FBXW12: variants seen among roughly 807,000 people sequenced by gnomAD.
FBXW12 encodes the protein F-box and WD repeat domain containing 12, also known as F-box/WD repeat-containing protein 12.
FBXW12 carries 43 observed loss-of-function variants against 55.3 expected under a neutral mutation model. That is an observed-to-expected ratio of 0.78 (90% CI 0.61 to 1.00). The LOEUF is 1.00. Ranked by LOEUF, FBXW12 falls within the 50% of genes least tolerant of loss-of-function variation. The pLI is 0.00. For missense variants in FBXW12, 524 were observed against 560.5 expected, an observed-to-expected ratio of 0.93 and a Z score of 0.66; for synonymous variants, 184 against 203.8, an observed-to-expected ratio of 0.90 and a Z score of 0.83.
rs1224424308 is a variant in FBXW12 at position 48,378,419 on chromosome 3, A to G, written c.508A>G (p.Ile170Val). The part of the protein sequence containing the change: ...LAITMDRKKT[I>V]KVWNCQDRDA... ...CATCACTATGGATCGGAAAAAAACT[A>G]TCAAAGTGTGGAACTGTCAGGACAG... The change falls in exon 6 of 11, where the codon ATC (isoleucine) becomes GTC (valine). Residue 170 changes from isoleucine to valine, a missense_variant. Transcript: ENST00000296438. The G allele has an allele frequency of 2.5e-6, 4 of 1,613,908 alleles. No individual in the cohort carries two copies. Among genetic ancestry groups the G allele is most frequent in the Non-Finnish European group, 2.5e-6 (3 of 1,180,014 alleles).
intron 10 of FBXW12, among the ~76,000 whole-genome samples, chr3:48,391,600 C>T (rs1349962267): frequency 6.6e-6 from 1 of 152,078 alleles, no homozygotes; most frequent in Admixed American, 6.6e-5. Context: ...AGTTTTTACC[C>T]ATTCATTATG....
In FBXW12 at chr3:48,373,574, G is replaced by C. The variant is rs1352961376; in HGVS notation, c.155G>C (p.Cys52Ser). The C allele has an allele frequency of 1.2e-6, 2 of 1,614,126 alleles. No individual in the cohort carries two copies. The highest frequency in any genetic ancestry group is 3.3e-5 in the Admixed American group (2 of 60,012). ...WRSLSLQRWD[C>S]SNFTNQHLGT... ...TCACTATCTCTGCAGAGATGGGACT[G>C]CAGCAACTTCACCAATCAACACCTG... The change falls in exon 4 of 11, where the codon TGC (cysteine) becomes TCC (serine). Residue 52 changes from cysteine to serine, a missense_variant. Cys to Ser is a moderately radical substitution (Grantham distance 112). Coordinates refer to ENST00000296438, the MANE Select transcript of FBXW12 (RefSeq NM_207102.2).
chr3:48,378,630 T>TC (rs2107158354), intron 6 of FBXW12, 104 bp downstream of exon 6: 1 of 735,978 alleles, frequency 1.4e-6, no homozygotes, highest in Non-Finnish European at 2.1e-6. Flanking sequence ...TTTTTTTTTT[T>TC]TGGAGACAGA....
intron 10 of FBXW12, among the ~76,000 whole-genome samples, chr3:48,389,317 A>G (rs1198114051): frequency 6.6e-6 from 1 of 152,108 alleles, no homozygotes; most frequent in Non-Finnish European, 1.5e-5. Context: ...AATATTTTCT[A>G]CCATTCTATA....
At chr3:48,386,033 T>C (rs1388316705) in intron 10 of FBXW12, among the ~76,000 whole-genome samples, 1 of 152,234 alleles carries the variant, frequency 6.6e-6, no homozygotes, top group Non-Finnish European at 1.5e-5. Context: ...TTACCTATTT[T>C]TGCTTTTGTT....
At chr3:48,373,480 T>TA in intron 3 of FBXW12, 68 bp from the exon 4 acceptor site, 1 of 1,603,386 alleles carries the variant, frequency 6.2e-7, no homozygotes, top group Non-Finnish European at 8.5e-7. Context: ...GGGGTTGTGA[T>TA]ATAACCGGGG....
intron 5 of FBXW12, 110 bp from the exon 6 acceptor site, chr3:48,378,207 A>G: frequency 1.2e-6 from 1 of 822,954 alleles, no homozygotes; most frequent in Non-Finnish European, 2.0e-6. Flanking sequence ...CTCTGCCCAG[A>G]AGCAAGAAGA....
chr3:48,386,489 T>C (rs34761139), intron 10 of FBXW12, among the ~76,000 whole-genome samples: 91,274 of 152,050 alleles, frequency 0.6, 27,496 homozygotes, highest in South Asian at 0.68. Flanking sequence ...TGTGGTTCCA[T>C]AGTCATTTTA....
At chr3:48,373,036 G>T (rs1575357059) in intron 2 of FBXW12, among the ~76,000 whole-genome samples, 179 bp downstream of exon 2, 2 of 152,164 alleles carry the variant, frequency 1.3e-5, no homozygotes, top group East Asian at 3.9e-4. Context: ...GAGTTGTGCT[G>T]ACTAAACAGT....
chr3:48,372,660 G>A, intron 1 of FBXW12, 24 bp from the exon 2 acceptor site: 1 of 1,599,170 alleles, frequency 6.3e-7, no homozygotes, highest in Non-Finnish European at 8.5e-7. Context: ...CACACAGATG[G>A]GCATGGGTGA....
intron 5 of FBXW12, among the ~76,000 whole-genome samples, chr3:48,376,528 A>C (rs2036688925): frequency 6.6e-6 from 1 of 152,150 alleles, no homozygotes; most frequent in Non-Finnish European, 1.5e-5. Context: ...CTTTTGTCTA[A>C]TGGTATAAAC....
At chr3:48,377,616 T>C (rs1353223001) in intron 5 of FBXW12, among the ~76,000 whole-genome samples, 1 of 152,252 alleles carries the variant, frequency 6.6e-6, no homozygotes, top group Non-Finnish European at 1.5e-5. Context: ...AATTTTGGGA[T>C]GCTTGGTTAC....
At chr3:48,374,329 ATTT>A (rs35433340) in intron 4 of FBXW12, among the ~76,000 whole-genome samples, 1 of 137,906 alleles carries the variant, frequency 7.3e-6, no homozygotes, top group African/African-American at 2.7e-5. Context: ...CAACCAGTTG[ATTT>A]TTTTTTTTTT....
chr3:48,378,190 T>C lies in FBXW12; in HGVS notation c.406-127T>C, dbSNP rs184559794. On this transcript the variant is annotated intron_variant, in intron 5 of 10. Coordinates refer to ENST00000296438, the MANE Select transcript of FBXW12 (RefSeq NM_207102.2). ...CAAAATATTGAGATGTGGAGAACTT[T>C]CATATCCTCTGCCCAGAAGCAAGAA... 1.3e-5 allele frequency: 9 copies of C among 706,394 alleles called. No homozygotes were observed. The African/African-American group carries it at 1.6e-4, about 13-fold the overall frequency. 43.8% of individuals were successfully genotyped at this position (706,394 alleles called of 1,614,324 possible).
chr3:48,393,942 T>G (rs1365336052), intron 10 of FBXW12, among the ~76,000 whole-genome samples: 1 of 150,744 alleles, frequency 6.6e-6, no homozygotes, highest in African/African-American at 2.4e-5. Flanking sequence ...CCACGCCGAC[T>G]AATTTTTTGT....
chr3:48,378,502 T>C lies in FBXW12; in HGVS notation c.591T>C (p.Leu197=). 1.2e-6 allele frequency: 2 copies of C among 1,614,026 alleles called. No homozygotes were observed. Among genetic ancestry groups the C allele is most frequent in the Admixed American group, 1.7e-5 (1 of 60,014 alleles). ...PQPCYCMEAY[L]TKDGPFLMVG... is the part of the protein sequence containing the mutation. ...CCTGTTATTGCATGGAAGCCTATCT[T>C]ACAAAGGATGGCCCATTCCTGATGG... Residue 197 remains leucine (L), a synonymous_variant, in exon 6 of 11, where the codon CTT becomes CTC. Transcript: ENST00000296438.
At chr3:48,378,577 C>T in intron 6 of FBXW12, 51 bp downstream of exon 6, 3 of 1,272,002 alleles carry the variant, frequency 2.4e-6, no homozygotes, top group Non-Finnish European at 3.4e-6. Flanking sequence ...TGCCTGTTGT[C>T]TTGTCAGGCA....
chr3:48,388,802 G>A (rs184321502), intron 10 of FBXW12, among the ~76,000 whole-genome samples: 5 of 152,200 alleles, frequency 3.3e-5, no homozygotes, highest in African/African-American at 7.2e-5. Context: ...GCATGTATAC[G>A]CTGAAATGAT....
At chr3:48,392,481 C>T (rs1021702499) in intron 10 of FBXW12, among the ~76,000 whole-genome samples, 1 of 141,722 alleles carries the variant, frequency 7.1e-6, no homozygotes, top group Non-Finnish European at 1.5e-5. Flanking sequence ...AAAAAGCCCA[C>T]AAGAACCATG....
Sources: allele counts gnomAD v4.1 joint callset (sites outside exome capture counted in the v4.1 genomes callset), GRCh38; gene constraint gnomAD v4.1.1; transcripts MANE v1.5; gene names NCBI Gene and HGNC (gene_info 2026-07-23, HGNC 2026-07-21).